The following PTDSS1 variants were observed in gnomAD, a reference collection of about 807,000 sequenced individuals.
PTDSS1 encodes the protein PSS-1.
In PTDSS1, 45 loss-of-function variants were observed where a neutral mutation model predicts 70.5. The ratio of observed to expected loss-of-function variants is 0.64; its 90% CI spans 0.50 to 0.82. The LOEUF (loss-of-function observed/expected upper bound fraction) is 0.82. Among genes scored for constraint, PTDSS1 ranks in the 40% least tolerant of loss-of-function variants. PTDSS1 has a pLI of 0.00. For missense variants in PTDSS1, 417 were observed against 586.1 expected, an observed-to-expected ratio of 0.71 and a Z score of 2.98; for synonymous variants, 188 against 203.8, an observed-to-expected ratio of 0.92 and a Z score of 0.66.
At chr8:96,331,852 C>T (rs528304808) in intron 12 of PTDSS1, among the ~76,000 whole-genome samples, 1 of 151,840 alleles carries the variant, frequency 6.6e-6, no homozygotes, top group Non-Finnish European at 1.5e-5. Context: ...TATTTGAGAC[C>T]AGCATGGGCA....
At chr8:96,305,752 C>T (rs1811113449) in intron 7 of PTDSS1, among the ~76,000 whole-genome samples, 1 of 152,028 alleles carries the variant, frequency 6.6e-6, no homozygotes, top group South Asian at 2.1e-4. Context: ...GTGATCTCGG[C>T]CCACTGCAAC....
chr8:96,262,117 A>G lies in PTDSS1; in HGVS notation c.77A>G (p.Glu26Gly). Residue 26 changes from glutamate (E) to glycine (G), a missense_variant, in exon 1 of 13, where the codon GAG (glutamate) becomes GGG (glycine). Glu to Gly is a moderately conservative substitution (Grantham distance 98). Coordinates refer to ENST00000517309, the MANE Select transcript of PTDSS1 (RefSeq NM_014754.3). This position sits in a 1 kb window ranked among gnomAD's most constrained non-coding sequence, Gnocchi z 4.4. ...AAAATGCATTTCCGGATGATCAACGAGCAGCAAGTGGAGGACATCACCATT... is the reference window on the plus strand; with the variant it reads ...AAAATGCATTTCCGGATGATCAACGGGCAGCAAGTGGAGGACATCACCATT... ...NYKMHFRMIN[E>G]QQVEDITIDF... 6.2e-7 allele frequency: 1 copy of G among 1,613,922 alleles called. No homozygotes were observed. Among genetic ancestry groups the G allele is most frequent in the Non-Finnish European group, 8.5e-7 (1 of 1,179,846 alleles).
intron 7 of PTDSS1, among the ~76,000 whole-genome samples, chr8:96,304,859 C>T (rs143745783): frequency 3.2e-4 from 48 of 152,320 alleles, no homozygotes; most frequent in African/African-American, 1.1e-3. Flanking sequence ...TGAAGAGGAT[C>T]TTTCAGAGTC....
chr8:96,315,390 G>A (rs1184456975), intron 9 of PTDSS1, among the ~76,000 whole-genome samples: 3 of 152,176 alleles, frequency 2.0e-5, no homozygotes, highest in Non-Finnish European at 2.9e-5. Flanking sequence ...CATTCCTGTG[G>A]CATCCTCAGA....
At chr8:96,295,335 C>T in intron 5 of PTDSS1, 79 bp downstream of exon 5, 1 of 1,414,724 alleles carries the variant, frequency 7.1e-7, no homozygotes, top group Non-Finnish European at 9.4e-7. Flanking sequence ...TGTCAGTTAA[C>T]AGTCAGTTAA....
chr8:96,291,350 G>T (rs1810900293), intron 4 of PTDSS1, among the ~76,000 whole-genome samples: 1 of 151,988 alleles, frequency 6.6e-6, no homozygotes, highest in Non-Finnish European at 1.5e-5. Flanking sequence ...CCCAGTGTCA[G>T]TATTATTGAC....
chr8:96,302,682 A>G (rs1216408144), intron 6 of PTDSS1, among the ~76,000 whole-genome samples: 25 of 152,072 alleles, frequency 1.6e-4, no homozygotes, highest in Admixed American at 1.5e-3. Flanking sequence ...CCCAGGTTCA[A>G]GTGATTCTCC....
chr8:96,316,966 C>T (rs1811298282), intron 9 of PTDSS1, among the ~76,000 whole-genome samples: 7 of 151,072 alleles, frequency 4.6e-5, no homozygotes, highest in Admixed American at 4.6e-4. Flanking sequence ...TGCACTCTAG[C>T]CTGGGTGACA....
chr8:96,291,631 C>T (rs1042499199), intron 4 of PTDSS1, among the ~76,000 whole-genome samples: 1 of 152,184 alleles, frequency 6.6e-6, no homozygotes, highest in Non-Finnish European at 1.5e-5. Context: ...TGTAATTCCC[C>T]TCATCATGTC....
intron 12 of PTDSS1, among the ~76,000 whole-genome samples, chr8:96,332,085 G>T (rs1028248713): frequency 2.0e-5 from 3 of 150,576 alleles, no homozygotes; most frequent in African/African-American, 7.3e-5. Flanking sequence ...TTCAAAAGAG[G>T]GGGATCATTT....
At chr8:96,298,142 G>A (rs1481981994) in intron 5 of PTDSS1, among the ~76,000 whole-genome samples, 2 of 152,138 alleles carry the variant, frequency 1.3e-5, no homozygotes, top group African/African-American at 2.4e-5. Flanking sequence ...CTCGTGGCTT[G>A]GAACCTGGGA....
At chr8:96,316,212 C>T (rs1811286574) in intron 9 of PTDSS1, among the ~76,000 whole-genome samples, 1 of 152,154 alleles carries the variant, frequency 6.6e-6, no homozygotes, top group Non-Finnish European at 1.5e-5. Flanking sequence ...GTACAGTAGC[C>T]TCCCTGCTTC....
Position 96,262,289 on chromosome 8 carries a change from G to GGGGGGGT in PTDSS1, c.179+70_179+71insGGGGGGT. 9.3e-7 allele frequency: 1 copy of GGGGGGGT among 1,070,680 alleles called. No individual in the cohort carries two copies. The highest frequency in any genetic ancestry group is 1.4e-6 in the Non-Finnish European group (1 of 734,666). The allele number at this position is 1,070,680 out of a possible 1,614,324, so 66.3% of individuals were successfully genotyped here. On this transcript the variant is annotated intron_variant, in intron 1 of 12. Transcript: ENST00000517309. The surrounding 1 kb of genome is among the most constrained non-coding windows in gnomAD (Gnocchi z 4.4). ...AAGAGGCGGGAGGGAGGGTGGCGGG[G>GGGGGGGT]AGGGGGGCCCGGCATGGCTCTGGGT...
chr8:96,283,985 A>G (rs938852143), intron 2 of PTDSS1, 124 bp from the exon 3 acceptor site: 2 of 752,252 alleles, frequency 2.7e-6, no homozygotes, highest in African/African-American at 3.6e-5. Context: ...TAGAAAAAAA[A>G]AAAAAACTTT....
In PTDSS1 at chr8:96,330,894, G is replaced by A. The variant is rs978791340; in HGVS notation, c.1243-132G>A. 9 of 685,706 alleles carry A rather than the reference G, an allele frequency of 1.3e-5. No homozygotes were observed. In the African/African-American group the frequency reaches 1.4e-4, roughly 11 times the overall value. The allele number at this position is 685,706 out of a possible 1,614,324, so 42.5% of individuals were successfully genotyped here. A position where few individuals can be genotyped will look rare whatever the true frequency, so the allele number is the denominator to read the frequency against. Reference sequence around the variant, plus strand: ...TTATAGCAGAGAAATATAAGCACAGGGAGGTTCTGTCACTTGCCAGTGATG... The same window carrying A: ...TTATAGCAGAGAAATATAAGCACAGAGAGGTTCTGTCACTTGCCAGTGATG... On this transcript the variant is annotated intron_variant, in intron 11 of 12. Transcript: ENST00000517309.
rs563678949 is a variant in PTDSS1 at position 96,277,504 on chromosome 8, G to A, written c.271+4114G>A. On this transcript the variant is annotated intron_variant, in intron 2 of 12. Coordinates refer to ENST00000517309, the MANE Select transcript of PTDSS1 (RefSeq NM_014754.3). Reference sequence around the variant, plus strand: ...CTTATTTTCCATTCTCCCCACCCTTGGCACATATTCTCAAGTCAAGTAGTG... The same window carrying A: ...CTTATTTTCCATTCTCCCCACCCTTAGCACATATTCTCAAGTCAAGTAGTG... Among the ~76,000 whole-genome samples, 6 of 152,288 alleles carry A rather than the reference G, an allele frequency of 3.9e-5. No homozygotes were observed. In the South Asian group the frequency reaches 1.2e-3, roughly 32 times the overall value.
chr8:96,326,703 A>C (rs17781044), intron 10 of PTDSS1, among the ~76,000 whole-genome samples: 1 of 151,878 alleles, frequency 6.6e-6, no homozygotes, highest in African/African-American at 2.4e-5. Context: ...AGCCCCAGCA[A>C]TTTTCAAGCG....
chr8:96,326,203 T>C (rs775314744), intron 10 of PTDSS1, among the ~76,000 whole-genome samples: 1 of 151,738 alleles, frequency 6.6e-6, no homozygotes, highest in Non-Finnish European at 1.5e-5. Context: ...TGAAAGACTT[T>C]CCCTGCCTTA....
intron 9 of PTDSS1, among the ~76,000 whole-genome samples, chr8:96,314,850 C>T (rs1811263006): frequency 6.6e-6 from 1 of 152,190 alleles, no homozygotes; most frequent in Non-Finnish European, 1.5e-5. Flanking sequence ...CCCACCTCAG[C>T]CTCCCAAAGT....
Sources: allele counts gnomAD v4.1 joint callset (sites outside exome capture counted in the v4.1 genomes callset), GRCh38; gene constraint gnomAD v4.1.1; non-coding constraint Gnocchi (gnomAD v3.1); transcripts MANE v1.5; gene names NCBI Gene and HGNC (gene_info 2026-07-23, HGNC 2026-07-21).